The following PDE1C variants were observed in gnomAD, a reference collection of about 807,000 sequenced individuals.
PDE1C encodes phosphodiesterase 1C.
In PDE1C, 62 loss-of-function variants were observed where a neutral mutation model predicts 93.1. That is an observed-to-expected ratio of 0.67 (90% CI 0.54 to 0.82). The LOEUF (loss-of-function observed/expected upper bound fraction) is 0.82. Among genes scored for constraint, PDE1C ranks in the 40% least tolerant of loss-of-function variants. PDE1C has a pLI of 0.00. For synonymous variants in PDE1C, 325 were observed against 310.1 expected (o/e 1.05, Z -0.50); for missense variants, 742 against 884.6 (o/e 0.84, Z 2.04).
At chr7:31,928,575 A>G (rs934145145) in intron 2 of PDE1C, among the ~76,000 whole-genome samples, 10 of 152,232 alleles carry the variant, frequency 6.6e-5, no homozygotes, top group African/African-American at 2.2e-4. Flanking sequence ...TCTAACTAAC[A>G]GTGGATCTCT....
intron 3 of PDE1C, among the ~76,000 whole-genome samples, chr7:32,153,597 C>T (rs74554636): frequency 0.027 from 4,040 of 152,222 alleles, 190 homozygotes; most frequent in African/African-American, 0.091. Flanking sequence ...TCCCACCCAG[C>T]GAGGCTGGTT....
intron 1 of PDE1C, among the ~76,000 whole-genome samples, chr7:32,376,781 A>G (rs1037282741): frequency 6.6e-6 from 1 of 151,962 alleles, no homozygotes; most frequent in African/African-American, 2.4e-5. Flanking sequence ...TCCGCCTCCC[A>G]GGTTCACGCC....
chr7:32,147,848 A>T (rs1339577524), intron 3 of PDE1C, among the ~76,000 whole-genome samples: 1 of 152,150 alleles, frequency 6.6e-6, no homozygotes, highest in Non-Finnish European at 1.5e-5. Context: ...GACAAGGCAG[A>T]GAGCTAAAGC....
the PDE1C span, among the ~76,000 whole-genome samples, chr7:31,655,497 C>A: frequency 6.6e-6 from 1 of 152,174 alleles, no homozygotes; most frequent in Admixed American, 6.5e-5. Flanking sequence ...TTTGCTGGAT[C>A]TACAGTGAAT....
At chr7:31,724,620 A>T in the PDE1C span, among the ~76,000 whole-genome samples, 1 of 152,180 alleles carries the variant, frequency 6.6e-6, no homozygotes, top group Non-Finnish European at 1.5e-5. Flanking sequence ...TCTTCATAGA[A>T]ATTATAACTA....
chr7:31,701,958 G>T, the PDE1C span, among the ~76,000 whole-genome samples: 1 of 152,158 alleles, frequency 6.6e-6, no homozygotes, highest in Non-Finnish European at 1.5e-5. Flanking sequence ...TGTGATACTT[G>T]CTTTATTGCA....
chr7:32,199,446 C>T (rs552403359), intron 2 of PDE1C, among the ~76,000 whole-genome samples: 7 of 152,218 alleles, frequency 4.6e-5, no homozygotes, highest in African/African-American at 1.4e-4. Context: ...TTCTGTCTTC[C>T]GCAGTGTTTG....
chr7:31,989,072 AAG>A (rs902163969), intron 2 of PDE1C, among the ~76,000 whole-genome samples: 5 of 151,268 alleles, frequency 3.3e-5, no homozygotes, highest in Admixed American at 2.6e-4. Flanking sequence ...AGAAGAAAGA[AAG>A]AGAGAGAGAA....
chr7:31,985,245 T>A (rs1783220229), intron 2 of PDE1C, among the ~76,000 whole-genome samples: 1 of 152,100 alleles, frequency 6.6e-6, no homozygotes, highest in African/African-American at 2.4e-5. Flanking sequence ...AATTCTTTGC[T>A]CAGAGCTCTA....
intron 2 of PDE1C, among the ~76,000 whole-genome samples, chr7:32,013,983 C>T (rs1001076677): frequency 6.6e-6 from 1 of 152,206 alleles, no homozygotes; most frequent in Admixed American, 6.5e-5. Flanking sequence ...AGCTCTTTTA[C>T]ATATGTGCTG....
At chr7:31,723,370 G>C in the PDE1C span, among the ~76,000 whole-genome samples, 250 of 152,228 alleles carry the variant, frequency 1.6e-3, 1 homozygote, top group African/African-American at 5.6e-3. Context: ...TTGTGCCTAG[G>C]AAACAACTTT....
intron 3 of PDE1C, among the ~76,000 whole-genome samples, chr7:32,104,966 A>G (rs1451323609): frequency 6.6e-6 from 1 of 152,112 alleles, no homozygotes; most frequent in Non-Finnish European, 1.5e-5. Flanking sequence ...GAAAAAATAG[A>G]TATATATTTT....
At chr7:31,717,898 T>C in the PDE1C span, among the ~76,000 whole-genome samples, 16 of 152,248 alleles carry the variant, frequency 1.1e-4, no homozygotes, top group East Asian at 2.7e-3. Context: ...CGTCAGAGTC[T>C]TCAAAACTGG....
upstream of PDE1C, chr7:32,070,431 T>G: frequency 6.2e-7 from 1 of 1,611,660 alleles, no homozygotes; most frequent in Non-Finnish European, 8.5e-7. Flanking sequence ...GAAGCTGAGA[T>G]AGTTTGGGCT....
the PDE1C span, among the ~76,000 whole-genome samples, chr7:31,641,392 C>T: frequency 6.6e-6 from 1 of 152,094 alleles, no homozygotes; most frequent in Non-Finnish European, 1.5e-5. Context: ...CTAAGGAGGC[C>T]ACCTTGCAAC....
chr7:31,941,972 A>G (rs10234000), intron 2 of PDE1C, among the ~76,000 whole-genome samples: 65,063 of 152,132 alleles, frequency 0.43, 15,726 homozygotes, highest in Non-Finnish European at 0.54. Flanking sequence ...TTTAAGCAAA[A>G]GATGCACAAA....
At chr7:31,880,607 C>G in intron 3 of PDE1C, 140 bp downstream of exon 3, 3 of 603,822 alleles carry the variant, frequency 5.0e-6, no homozygotes, top group Non-Finnish European at 5.8e-6. Context: ...AATCTATCCT[C>G]TTTGTTTGTG....
At chr7:32,112,309 CTTCT>C (rs2128756502) in intron 3 of PDE1C, among the ~76,000 whole-genome samples, 1 of 152,134 alleles carries the variant, frequency 6.6e-6, no homozygotes, top group East Asian at 1.9e-4. Context: ...TTCTCCTCTT[CTTCT>C]TTTTCTTTAT....
At chr7:31,956,588 ATAGG>A (rs1428584926) in intron 2 of PDE1C, among the ~76,000 whole-genome samples, 1 of 151,822 alleles carries the variant, frequency 6.6e-6, no homozygotes, top group Non-Finnish European at 1.5e-5. Flanking sequence ...CCTTCTTTAG[ATAGG>A]TTACACAGAA....
Sources: allele counts gnomAD v4.1 joint callset (sites outside exome capture counted in the v4.1 genomes callset), GRCh38; gene constraint gnomAD v4.1.1; transcripts MANE v1.5; gene names NCBI Gene and HGNC (gene_info 2026-07-23, HGNC 2026-07-21).